The following PCBP3 variants were observed in gnomAD, a reference collection of about 807,000 sequenced individuals.
The protein encoded by PCBP3 is poly(rC)-binding protein 3.
In PCBP3, 25 loss-of-function variants were observed where a neutral mutation model predicts 52.7. The ratio of observed to expected loss-of-function variants is 0.47; its 90% confidence interval spans 0.35 to 0.66. The LOEUF (loss-of-function observed/expected upper bound fraction) is 0.66. PCBP3 is among the 30% of genes least tolerant of loss of function. The pLI is 0.01. For missense variants in PCBP3, 391 were observed against 490.3 expected, an observed-to-expected ratio of 0.80 and a Z score of 1.91; for synonymous variants, 162 against 183.0, an observed-to-expected ratio of 0.89 and a Z score of 0.93.
chr21:45,644,502 A>T (rs1327369312), intron 1 of PCBP3, among the ~76,000 whole-genome samples: 1 of 119,320 alleles, frequency 8.4e-6, no homozygotes, highest in Non-Finnish European at 1.8e-5. Context: ...GTTTCGTGAA[A>T]GAGTTTTTTT....
chr21:45,928,231 C>T lies in PCBP3; in HGVS notation c.718-1686C>T, dbSNP rs2075737385. Among the ~76,000 whole-genome samples, 1 of 152,186 alleles carries T rather than the reference C, an allele frequency of 6.6e-6. No homozygotes were observed. Among genetic ancestry groups the T allele is most frequent in the African/African-American group, 2.4e-5 (1 of 41,464 alleles). ...TGGGACAGGATGTCCCCCACAAGCT[C>T]TCCTGGCACCCTCGTCAGGGGCTTC... On this transcript the variant is annotated intron_variant, in intron 13 of 17. Transcript: ENST00000681687. The surrounding 1 kb of genome is among the most constrained non-coding windows in gnomAD (Gnocchi z 4.1).
intron 15 of PCBP3, among the ~76,000 whole-genome samples, chr21:45,933,038 A>G (rs1235591521): frequency 1.3e-5 from 2 of 148,250 alleles, no homozygotes; most frequent in South Asian, 4.3e-4. Context: ...TGAACACATC[A>G]GCCATGCCGT....
intron 3 of PCBP3, chr21:45,750,694 C>T (rs1347031804): frequency 6.6e-6 from 1 of 152,188 alleles, no homozygotes; most frequent in Non-Finnish European, 1.5e-5. Context: ...GCCCTGGAGT[C>T]CACCAGATGT....
chr21:45,768,954 G>T (rs948646413), intron 4 of PCBP3, among the ~76,000 whole-genome samples: 2 of 152,238 alleles, frequency 1.3e-5, no homozygotes, highest in African/African-American at 2.4e-5. Flanking sequence ...ATGACCGATG[G>T]CAGGAGGTGA....
At chr21:45,722,332 A>G (rs2084710507) in intron 2 of PCBP3, among the ~76,000 whole-genome samples, 1 of 152,242 alleles carries the variant, frequency 6.6e-6, no homozygotes, top group Non-Finnish European at 1.5e-5. Flanking sequence ...CCAAAGGCTT[A>G]CAGCACCTGT....
chr21:45,868,447 G>A (rs1377055508), intron 5 of PCBP3, among the ~76,000 whole-genome samples: 1 of 137,048 alleles, frequency 7.3e-6, no homozygotes, highest in Non-Finnish European at 1.5e-5. Context: ...AAAGGATTCC[G>A]ATGCTGTTAC....
At chr21:45,747,003 G>A (rs1053293301) in intron 3 of PCBP3, among the ~76,000 whole-genome samples, 2 of 151,886 alleles carry the variant, frequency 1.3e-5, no homozygotes, top group African/African-American at 4.8e-5. Context: ...ACACGGTGTT[G>A]TCAGCATCGC....
At chr21:45,698,726 T>G (rs770787848) in intron 2 of PCBP3, among the ~76,000 whole-genome samples, 12 of 152,228 alleles carry the variant, frequency 7.9e-5, no homozygotes, top group Non-Finnish European at 1.6e-4. Context: ...GTGAACATTA[T>G]GCACCATTAA....
chr21:45,862,770 T>G (rs4818805), intron 5 of PCBP3, among the ~76,000 whole-genome samples: 95,797 of 152,126 alleles, frequency 0.63, 30,678 homozygotes, highest in East Asian at 0.84. Flanking sequence ...CCGGGCCCTC[T>G]TCACAGCCCA....
At chr21:45,864,072 A>G (rs544089594) in intron 5 of PCBP3, among the ~76,000 whole-genome samples, 2 of 152,322 alleles carry the variant, frequency 1.3e-5, no homozygotes, top group East Asian at 3.9e-4. Flanking sequence ...TTATGGAAAC[A>G]TAAACGTGGC....
intron 2 of PCBP3, among the ~76,000 whole-genome samples, chr21:45,732,218 G>T (rs1410268979): frequency 1.3e-5 from 2 of 152,038 alleles, no homozygotes; most frequent in East Asian, 3.8e-4. Context: ...CTCCTGACTT[G>T]CACTGTTTCT....
At chr21:45,718,665 G>T (rs2084395773) in intron 2 of PCBP3, among the ~76,000 whole-genome samples, 2 of 152,052 alleles carry the variant, frequency 1.3e-5, no homozygotes, top group Non-Finnish European at 2.9e-5. Context: ...GTGATCCTTG[G>T]ATTGCTGCAA....
In PCBP3 at chr21:45,800,775, C is replaced by T. The variant is rs540279472; in HGVS notation, c.-126+45323C>T. ...GAGGGAGGATGTCTTTCCCTGACCT[C>T]GTTTGTGTGGCCCTGGTGCCCAATG... On this transcript the variant is annotated intron_variant, in intron 4 of 17. Transcript: ENST00000681687. The surrounding 1 kb of genome is among the most constrained non-coding windows in gnomAD (Gnocchi z 5.3). Among the ~76,000 whole-genome samples, 7 of 152,318 alleles carry T rather than the reference C, an allele frequency of 4.6e-5. No homozygotes were observed. Among genetic ancestry groups the T allele is most frequent in the South Asian group, 4.1e-4 (2 of 4,824 alleles).
intron 4 of PCBP3, among the ~76,000 whole-genome samples, chr21:45,769,403 G>T (rs1439019701): frequency 6.6e-6 from 1 of 152,260 alleles, no homozygotes; most frequent in Non-Finnish European, 1.5e-5. Context: ...GGGTGCTCAC[G>T]CAGGGCTGTC....
At chr21:45,797,388 T>A (rs376781354) in intron 4 of PCBP3, among the ~76,000 whole-genome samples, 15 of 4,076 alleles carry the variant, frequency 3.7e-3, no homozygotes, top group South Asian at 0.01. Context: ...GCATGGATAG[T>A]TGAGTGCGTG....
intron 4 of PCBP3, among the ~76,000 whole-genome samples, chr21:45,783,579 G>A (rs1231558588): frequency 2.6e-5 from 4 of 152,174 alleles, no homozygotes; most frequent in South Asian, 2.1e-4. Flanking sequence ...GAGGCACAGC[G>A]CACAGCGGAG....
At position 45,802,555 on chromosome 21, in the gene PCBP3, AG is replaced by A. The variant is rs2146781730; in HGVS notation, c.-126+47105del. ...AAGTGAGCCATGCTGGAGAAGGGAC[AG>A]GAGCCCCTGGGAGACGTAAGAGATG... On this transcript the variant is annotated intron_variant, in intron 4 of 17. Transcript: ENST00000681687. This position sits in a 1 kb window ranked among gnomAD's most constrained non-coding sequence, Gnocchi z 5.1. 6.6e-6 allele frequency among the ~76,000 whole-genome samples: 1 copy of A among 152,332 alleles called. No homozygotes were observed. Among genetic ancestry groups the A allele is most frequent in the East Asian group, 1.9e-4 (1 of 5,182 alleles).
At chr21:45,869,563 G>T (rs965729466) in intron 5 of PCBP3, among the ~76,000 whole-genome samples, 1 of 152,146 alleles carries the variant, frequency 6.6e-6, no homozygotes, top group Non-Finnish European at 1.5e-5. Flanking sequence ...TGCTCCTCTC[G>T]CCGTCCCCAC....
At chr21:45,883,414 G>A (rs9653791) in intron 5 of PCBP3, among the ~76,000 whole-genome samples, 115,854 of 152,164 alleles carry the variant, frequency 0.76, 44,545 homozygotes, top group East Asian at 1. Context: ...CCCGTTGGTT[G>A]ATGGTGTTGA....
Sources: allele counts gnomAD v4.1 joint callset (sites outside exome capture counted in the v4.1 genomes callset), GRCh38; gene constraint gnomAD v4.1.1; non-coding constraint Gnocchi (gnomAD v3.1); transcripts MANE v1.5; gene names NCBI Gene and HGNC (gene_info 2026-07-23, HGNC 2026-07-21).